TBC1D22B: variants seen among roughly 807,000 people sequenced by gnomAD.
TBC1D22B encodes the protein TBC1 domain family member 22B, also known as chromosome 6 open reading frame 197.
In TBC1D22B, 32 loss-of-function variants were observed where a neutral mutation model predicts 69.1. The ratio of observed to expected loss-of-function variants is 0.46; its 90% CI spans 0.35 to 0.62. The LOEUF is 0.62. Ranked by LOEUF, TBC1D22B falls within the 20% of genes least tolerant of loss-of-function variation. TBC1D22B has a pLI of 0.00. For missense variants in TBC1D22B, 462 were observed against 630.9 expected (o/e 0.73, Z 2.87); for synonymous variants, 206 against 229.8 (o/e 0.90, Z 0.94).
At chr6:37,260,747 G>A (rs1766064372) in intron 1 of TBC1D22B, among the ~76,000 whole-genome samples, 1 of 152,080 alleles carries the variant, frequency 6.6e-6, no homozygotes, top group Non-Finnish European at 1.5e-5. Flanking sequence ...ATGATCTGAG[G>A]CCTTTTGTGA....
intron 7 of TBC1D22B, among the ~76,000 whole-genome samples, chr6:37,290,829 A>C (rs1371476514): frequency 8.8e-6 from 1 of 114,126 alleles, no homozygotes; most frequent in Non-Finnish European, 2.0e-5. Flanking sequence ...TATAATGACC[A>C]AAAAAAAAAA....
chr6:37,271,065 C>A (rs758301007), intron 2 of TBC1D22B, among the ~76,000 whole-genome samples: 1 of 152,110 alleles, frequency 6.6e-6, no homozygotes, highest in Non-Finnish European at 1.5e-5. Flanking sequence ...GTAATCCCAG[C>A]ACTTTGGGAG....
At chr6:37,278,993 C>T (rs1044927914) in intron 2 of TBC1D22B, among the ~76,000 whole-genome samples, 2 of 151,924 alleles carry the variant, frequency 1.3e-5, no homozygotes, top group Admixed American at 1.3e-4. Flanking sequence ...TGGAAGTAAT[C>T]GCCTCATTTC....
At chr6:37,299,453 A>G (rs1430262987) in intron 8 of TBC1D22B, among the ~76,000 whole-genome samples, 2 of 152,176 alleles carry the variant, frequency 1.3e-5, no homozygotes, top group Admixed American at 6.5e-5. Flanking sequence ...TAACTTTGCT[A>G]CTTGTGTCTC....
chr6:37,275,452 T>C (rs1171875452), intron 2 of TBC1D22B, among the ~76,000 whole-genome samples: 1 of 152,216 alleles, frequency 6.6e-6, no homozygotes, highest in African/African-American at 2.4e-5. Flanking sequence ...CTTCCTAGGC[T>C]GCAGATCCTT....
intron 8 of TBC1D22B, among the ~76,000 whole-genome samples, chr6:37,298,035 G>A (rs1767440147): frequency 6.6e-6 from 1 of 152,170 alleles, no homozygotes; most frequent in African/African-American, 2.4e-5. Context: ...TCACACACCA[G>A]GGCCTGTTAG....
chr6:37,297,444 A>G (rs775778094), intron 8 of TBC1D22B, among the ~76,000 whole-genome samples: 1 of 152,192 alleles, frequency 6.6e-6, no homozygotes, highest in African/African-American at 2.4e-5. Context: ...AGGGCCCAAT[A>G]TCTCTTTAAG....
At chr6:37,308,231 G>A (rs1387622402) in intron 8 of TBC1D22B, among the ~76,000 whole-genome samples, 3 of 152,128 alleles carry the variant, frequency 2.0e-5, no homozygotes, top group South Asian at 2.1e-4. Context: ...AACCAGAGAC[G>A]CTGCCCTCAC....
At chr6:37,282,707 G>A (rs557360719) in intron 4 of TBC1D22B, among the ~76,000 whole-genome samples, 175 bp from the exon 5 acceptor site, 14 of 152,270 alleles carry the variant, frequency 9.2e-5, no homozygotes, top group African/African-American at 2.6e-4. Flanking sequence ...CTGCAAGGCC[G>A]TGTCCTTGGC....
chr6:37,322,914 C>T (rs915373883), intron 12 of TBC1D22B, among the ~76,000 whole-genome samples: 2 of 152,070 alleles, frequency 1.3e-5, no homozygotes, highest in African/African-American at 4.8e-5. Context: ...CAGTTGTGGG[C>T]ACTTAGATGA....
At position 37,317,089 on chromosome 6, in the gene TBC1D22B, ACT is replaced by A. The variant is rs1345281803; in HGVS notation, c.1294-19_1294-18del. 4 of 1,555,350 alleles carry A rather than the reference ACT, an allele frequency of 2.6e-6. No individual in the cohort carries two copies. Among genetic ancestry groups the A allele is most frequent in the Non-Finnish European group, 3.5e-6 (4 of 1,147,830 alleles). On this transcript the variant is annotated intron_variant, in intron 11 of 12. Transcript: ENST00000373491. ...ATCTTTGTCAGGGCTGGGAGACCTA[ACT>A]CTATTTTTCTGCTTCCCAGTCTGAA... is the stretch of plus-strand genomic sequence containing the variant.
intron 6 of TBC1D22B, 99 bp from the exon 7 acceptor site, chr6:37,286,908 C>T (rs1194757070): frequency 6.7e-6 from 7 of 1,037,628 alleles, no homozygotes; most frequent in African/African-American, 3.3e-5. Context: ...AGTGCCATTG[C>T]ACTCCAGCCT....
rs751415566 is a variant in TBC1D22B, at chr6:37,329,061, A to G, written c.1390-1983A>G. Among the ~76,000 whole-genome samples, 23 of 152,252 alleles carry G rather than the reference A, an allele frequency of 1.5e-4. 1 individual carries two copies. The highest frequency in any genetic ancestry group is 3.4e-3 in the Middle Eastern group (1 of 294). ...TATTACTAAAAAAAAAAGTTATTTC[A>G]TAACACAATAATACACAAATATTTT... On this transcript the variant is annotated intron_variant, in intron 12 of 12. Coordinates refer to ENST00000373491, the MANE Select transcript of TBC1D22B (RefSeq NM_017772.4).
At chr6:37,294,327 C>A (rs1042030841) in intron 8 of TBC1D22B, among the ~76,000 whole-genome samples, 1 of 152,134 alleles carries the variant, frequency 6.6e-6, no homozygotes, top group East Asian at 1.9e-4. Context: ...CCACCACACC[C>A]GGCTAACTTT....
intron 1 of TBC1D22B, among the ~76,000 whole-genome samples, chr6:37,258,515 T>A (rs1050328514): frequency 1.4e-4 from 21 of 152,186 alleles, no homozygotes; most frequent in African/African-American, 4.8e-4. Context: ...GTTGGCCCTT[T>A]CCCACTAGGA....
At position 37,296,065 on chromosome 6, in the gene TBC1D22B, G is replaced by A. The variant is rs141021189; in HGVS notation, c.982+4708G>A. ...GCAAAAAGATTATGACTTGCTGAAG[G>A]CTCAGATGATTGTTAGCACTTTTTA... On this transcript the variant is annotated intron_variant, in intron 8 of 12. Coordinates refer to ENST00000373491, the MANE Select transcript of TBC1D22B (RefSeq NM_017772.4). Among the ~76,000 whole-genome samples the A allele has an allele frequency of 2.5e-3, 378 of 152,256 alleles. 1 individual carries two copies. Among genetic ancestry groups the A allele is most frequent in the East Asian group, 8.3e-3 (43 of 5,186 alleles).
intron 12 of TBC1D22B, chr6:37,324,467 G>A: frequency 2.4e-6 from 1 of 408,250 alleles, no homozygotes; most frequent in South Asian, 1.7e-5. Context: ...GGCCTATTAT[G>A]CACCAAAATG....
At chr6:37,264,491 A>G (rs1287391134) in intron 1 of TBC1D22B, among the ~76,000 whole-genome samples, 1 of 152,076 alleles carries the variant, frequency 6.6e-6, no homozygotes, top group Non-Finnish European at 1.5e-5. Context: ...TTTTATTTTT[A>G]GTAGAGATGG....
intron 8 of TBC1D22B, among the ~76,000 whole-genome samples, chr6:37,307,358 T>C (rs940116041): frequency 7.4e-6 from 1 of 135,532 alleles, no homozygotes; most frequent in Non-Finnish European, 1.5e-5. Context: ...CTTTTTTTTC[T>C]TTTTTTTTTT....
Sources: allele counts gnomAD v4.1 joint callset (sites outside exome capture counted in the v4.1 genomes callset), GRCh38; gene constraint gnomAD v4.1.1; transcripts MANE v1.5; gene names NCBI Gene and HGNC (gene_info 2026-07-23, HGNC 2026-07-21).